Variants in KIAA0825 observed in about 807,000 individuals in gnomAD.
KIAA0825 encodes KIAA0825, also known as uncharacterized protein KIAA0825.
Under a neutral mutation model 147.6 loss-of-function variants are expected in KIAA0825, and 119 were observed. The ratio of observed to expected loss-of-function variants is 0.81; its 90% CI spans 0.69 to 0.94. The LOEUF (loss-of-function observed/expected upper bound fraction) is 0.94, where lower values mean the gene tolerates loss of function less well. Ranked by LOEUF, KIAA0825 falls within the 40% of genes least tolerant of loss-of-function variation. The probability of loss-of-function intolerance (pLI) is 0.00; values close to 1 mark genes in which losing one functional copy is unlikely to be tolerated. For missense variants in KIAA0825, 1,381 were observed against 1,472.7 expected (o/e 0.94, Z 1.02); for synonymous variants, 470 against 518.1 (o/e 0.91, Z 1.26).
chr5:94,606,606 G>A (rs761398072), intron 1 of KIAA0825, among the ~76,000 whole-genome samples: 16 of 151,966 alleles, frequency 1.1e-4, no homozygotes, highest in Non-Finnish European at 2.2e-4. Context: ...AAATAAGGCC[G>A]CATATCTACA....
rs748775228 is a variant in KIAA0825, at chr5:94,520,696, GCTCA to G, written c.518_521del (p.Val173AlafsTer9). ...TTATTTCATTATGGCTTTGTAATTTGCTCACTAAGAAGCGTCGAAGATGCAGTCT... is the reference window on the plus strand; with the variant it reads ...TTATTTCATTATGGCTTTGTAATTTGCTAAGAAGCGTCGAAGATGCAGTCT... On this transcript the variant is annotated frameshift_variant, in exon 5 of 21. Transcript: ENST00000682413. LOFTEE classifies it high-confidence loss of function. The G allele has an allele frequency of 4.3e-6, 7 of 1,613,180 alleles. No homozygotes were observed. The highest frequency in any genetic ancestry group is 2.7e-5 in the African/African-American group (2 of 74,834).
intron 3 of KIAA0825, among the ~76,000 whole-genome samples, chr5:94,532,838 A>T (rs1482136720): frequency 3.3e-5 from 5 of 151,966 alleles, no homozygotes; most frequent in Admixed American, 3.3e-4. Context: ...AAAAAAAAAA[A>T]AAGTAGTCCA....
intron 1 of KIAA0825, among the ~76,000 whole-genome samples, chr5:94,596,249 G>A (rs946956825): frequency 4.6e-5 from 7 of 152,006 alleles, no homozygotes; most frequent in African/African-American, 7.2e-5. Flanking sequence ...CATTTTAGTC[G>A]ATTTTTGTAC....
chr5:94,406,507 G>A (rs1584399439), intron 15 of KIAA0825, among the ~76,000 whole-genome samples: 1 of 152,168 alleles, frequency 6.6e-6, no homozygotes. Context: ...AAATAGACAA[G>A]TGTGGAGAAG....
At chr5:94,510,609 T>A (rs1370052054) in intron 5 of KIAA0825, among the ~76,000 whole-genome samples, 1 of 152,216 alleles carries the variant, frequency 6.6e-6, no homozygotes, top group Non-Finnish European at 1.5e-5. Context: ...CCATCAATGT[T>A]ATGAGTGTTT....
Position 94,537,001 on chromosome 5 carries a change from A to G in KIAA0825, c.126T>C (p.Ala42=), listed in dbSNP as rs1474419034. Residue 42 remains alanine, a synonymous_variant, in exon 3 of 21, where the codon GCT becomes GCC. Coordinates refer to ENST00000682413, the MANE Select transcript of KIAA0825 (RefSeq NM_001145678.3). The part of the protein sequence containing the change: ...SDIDEKIEQN[A]ASIKHCIKEI... Reference sequence around the variant, plus strand: ...AAATAATTAACAATATTTACCTTGCAGCATTTTGTTCAATCTTTTCATCAA... The same window carrying G: ...AAATAATTAACAATATTTACCTTGCGGCATTTTGTTCAATCTTTTCATCAA... 20 of 1,596,218 alleles carry G rather than the reference A, an allele frequency of 1.3e-5. No homozygotes were observed. The highest frequency in any genetic ancestry group is 1.7e-5 in the Non-Finnish European group (20 of 1,169,794).
chr5:94,429,853 G>A (rs1389920203), intron 14 of KIAA0825, among the ~76,000 whole-genome samples: 2 of 152,230 alleles, frequency 1.3e-5, no homozygotes, highest in Non-Finnish European at 2.9e-5. Flanking sequence ...ACAGGTATGG[G>A]GATGGCCTAA....
chr5:94,381,031 G>A lies in KIAA0825; in HGVS notation c.3710+3337C>T, dbSNP rs932208128. On this transcript the variant is annotated intron_variant, in intron 20 of 20. Coordinates refer to ENST00000682413, the MANE Select transcript of KIAA0825 (RefSeq NM_001145678.3). ...GCGGTCCCTCAAGTCTTTATCTCCTGGGTCTTTATTACCTGAGTGGTTCAC... is the reference window on the plus strand; with the variant it reads ...GCGGTCCCTCAAGTCTTTATCTCCTAGGTCTTTATTACCTGAGTGGTTCAC... Among the ~76,000 whole-genome samples, 11 of 152,110 alleles carry A rather than the reference G, an allele frequency of 7.2e-5. No homozygotes were observed. The South Asian group carries it at 1.9e-3, about 26-fold the overall frequency.
At chr5:94,586,670 G>A (rs191620831) in intron 1 of KIAA0825, among the ~76,000 whole-genome samples, 1 of 152,228 alleles carries the variant, frequency 6.6e-6, no homozygotes, top group Admixed American at 6.5e-5. Context: ...GAAAAAGAGG[G>A]AATCCTCCCT....
intron 14 of KIAA0825, 58 bp from the exon 15 acceptor site, chr5:94,417,423 T>C (rs1473692399): frequency 7.2e-7 from 1 of 1,397,042 alleles, no homozygotes; most frequent in Non-Finnish European, 9.8e-7. Flanking sequence ...TCAGTGAATA[T>C]GATTAAACTC....
intron 1 of KIAA0825, chr5:94,593,844 C>A: frequency 2.9e-6 from 1 of 343,000 alleles, no homozygotes; most frequent in South Asian, 2.6e-5. Context: ...AGTTTCATAC[C>A]AACTGAGATG....
intron 5 of KIAA0825, among the ~76,000 whole-genome samples, chr5:94,499,585 T>TG (rs34401680): frequency 0.05 from 3,481 of 69,154 alleles, 135 homozygotes; most frequent in Non-Finnish European, 0.081. Context: ...TTTCCCAATC[T>TG]GGGGGGGGGG....
chr5:94,318,469 C>T (rs577970511), intron 20 of KIAA0825, among the ~76,000 whole-genome samples: 195 of 151,966 alleles, frequency 1.3e-3, no homozygotes, highest in Middle Eastern at 3.4e-3. Flanking sequence ...AAAAAGCCAT[C>T]TGACTCGTAA....
intron 20 of KIAA0825, among the ~76,000 whole-genome samples, chr5:94,204,532 T>C (rs980041593): frequency 2.6e-5 from 4 of 152,218 alleles, no homozygotes; most frequent in African/African-American, 9.6e-5. Flanking sequence ...TCAAGTTAAA[T>C]TGTAAACTAT....
chr5:94,411,283 G>A (rs1752732689), intron 15 of KIAA0825, among the ~76,000 whole-genome samples: 1 of 151,818 alleles, frequency 6.6e-6, no homozygotes, highest in African/African-American at 2.4e-5. Context: ...CCAAAATAGA[G>A]GGAAAATGAA....
intron 1 of KIAA0825, among the ~76,000 whole-genome samples, chr5:94,584,569 G>A (rs1426519836): frequency 1.3e-5 from 2 of 152,190 alleles, no homozygotes; most frequent in Admixed American, 1.3e-4. Context: ...TTTGATTGGT[G>A]TACCTGAAAG....
At chr5:94,509,738 A>G (rs1766219292) in intron 5 of KIAA0825, among the ~76,000 whole-genome samples, 1 of 152,322 alleles carries the variant, frequency 6.6e-6, no homozygotes, top group Non-Finnish European at 1.5e-5. Context: ...CTGATTCTAC[A>G]TTACATTTAA....
chr5:94,594,937 A>C (rs1477399191), intron 1 of KIAA0825: 2 of 280,264 alleles, frequency 7.1e-6, no homozygotes, highest in African/African-American at 4.7e-5. Context: ...CTCACATCCA[A>C]GGCATGCTGA....
chr5:94,352,164 A>G (rs1783741779), intron 20 of KIAA0825, among the ~76,000 whole-genome samples: 1 of 152,238 alleles, frequency 6.6e-6, no homozygotes, highest in African/African-American at 2.4e-5. Context: ...TTCACAATCT[A>G]TACATCTGAC....
Sources: allele counts gnomAD v4.1 joint callset (sites outside exome capture counted in the v4.1 genomes callset), GRCh38; gene constraint gnomAD v4.1.1; transcripts MANE v1.5; gene names NCBI Gene and HGNC (gene_info 2026-07-23, HGNC 2026-07-21).